Variants in PAK3 observed in about 807,000 individuals in gnomAD.
The protein encoded by PAK3 is serine/threonine-protein kinase PAK 3.
In PAK3, 4 loss-of-function variants were observed where a neutral mutation model predicts 41.0. The observed-to-expected ratio is 0.10, with a 90% confidence interval of 0.05 to 0.22. The LOEUF (loss-of-function observed/expected upper bound fraction) is 0.22. Among genes scored for constraint, PAK3 ranks in the 10% least tolerant of loss-of-function variants. The pLI is 1.00. For missense variants in PAK3, 205 were observed against 409.9 expected (o/e 0.50, Z 4.32); for synonymous variants, 146 against 139.6 (o/e 1.05, Z -0.32).
At chrX:111,044,098 G>A (rs1347791095) in intron 1 of PAK3, among the ~76,000 whole-genome samples, 1 of 111,892 alleles carries the variant, frequency 8.9e-6, no homozygotes, top group African/African-American at 3.2e-5. Context: ...GAAACCCAAA[G>A]TATGTCACAT....
At chrX:111,046,423 G>A (rs1227642824) in intron 1 of PAK3, among the ~76,000 whole-genome samples, 1 of 111,512 alleles carries the variant, frequency 9.0e-6, no homozygotes, top group African/African-American at 3.3e-5. Context: ...TTACCCCCCT[G>A]TAAAATGGCC....
upstream of PAK3, among the ~76,000 whole-genome samples, chrX:111,094,925 G>C (rs934815899): frequency 3.6e-5 from 4 of 110,759 alleles, no homozygotes; most frequent in Non-Finnish European, 1.9e-5. Context: ...CTGACCTCAG[G>C]TGATCCGCCC....
intron 10 of PAK3, among the ~76,000 whole-genome samples, chrX:111,171,600 A>T (rs2094341952): frequency 8.9e-6 from 1 of 111,835 alleles, no homozygotes; most frequent in South Asian, 3.7e-4. Flanking sequence ...GCCAAACATG[A>T]TAAATTAATA....
At chrX:111,135,004 G>A (rs773266633) in intron 5 of PAK3, among the ~76,000 whole-genome samples, 1 of 111,236 alleles carries the variant, frequency 9.0e-6, no homozygotes, top group East Asian at 2.8e-4. Flanking sequence ...GAAGGCAATG[G>A]GGGAATATTG....
intron 1 of PAK3, among the ~76,000 whole-genome samples, chrX:111,000,989 G>A (rs2091837440): frequency 9.0e-6 from 1 of 111,572 alleles, no homozygotes; most frequent in African/African-American, 3.3e-5. Context: ...GCCTCACTGA[G>A]ATGACATTTG....
intron 3 of PAK3, among the ~76,000 whole-genome samples, chrX:111,100,095 A>G (rs2093097406): frequency 9.1e-6 from 1 of 110,321 alleles, no homozygotes; most frequent in South Asian, 4.0e-4. Flanking sequence ...TCTGCTAGGG[A>G]CCCTATAACC....
intron 1 of PAK3, among the ~76,000 whole-genome samples, chrX:111,082,817 C>G (rs1308879206): frequency 3.6e-5 from 4 of 111,176 alleles, no homozygotes; most frequent in Non-Finnish European, 7.5e-5. Context: ...ATGATATTCT[C>G]CTGTATATTT....
chrX:111,083,252 A>G (rs1193763566), intron 1 of PAK3, among the ~76,000 whole-genome samples: 2 of 112,361 alleles, frequency 1.8e-5, no homozygotes, highest in African/African-American at 6.5e-5. Context: ...ATCAAAATAC[A>G]GCACAGAAAG....
intron 9 of PAK3, 50 bp downstream of exon 9, chrX:111,163,096 A>C: frequency 9.1e-7 from 1 of 1,104,663 alleles, no homozygotes; most frequent in Non-Finnish European, 1.3e-6. Flanking sequence ...GCCCTTTGGA[A>C]TAGTCATAGA....
chrX:110,985,177 AC>A (rs2091520405), intron 1 of PAK3, among the ~76,000 whole-genome samples: 2 of 111,355 alleles, frequency 1.8e-5, no homozygotes, highest in Admixed American at 1.9e-4. Flanking sequence ...TAAAGATAAA[AC>A]TCCTTAGATG....
rs768600631 is a variant in PAK3, at chrX:111,160,494, T to C, written c.469-2421T>C. On this transcript the variant is annotated intron_variant, in intron 8 of 17. Transcript: ENST00000372007. ...TTTTATTATTATTATACTTGAAGTTTTAGGGTACATGTGCACAACGTGCAG... is the reference window on the plus strand; with the variant it reads ...TTTTATTATTATTATACTTGAAGTTCTAGGGTACATGTGCACAACGTGCAG... 4.3e-3 allele frequency among the ~76,000 whole-genome samples: 468 copies of C among 109,225 alleles called. 1 individual carries two copies. Among genetic ancestry groups the C allele is most frequent in the Non-Finnish European group, 7.1e-3 (376 of 52,727 alleles). 94.8% of individuals were successfully genotyped at this position (109,225 alleles called of 115,157 possible).
chrX:111,202,243 G>A (rs767007968), intron 16 of PAK3, among the ~76,000 whole-genome samples: 1 of 111,677 alleles, frequency 9.0e-6, no homozygotes, highest in African/African-American at 3.3e-5. Context: ...AAGTGGCTGA[G>A]ATTTTTTAAT....
intron 1 of PAK3, among the ~76,000 whole-genome samples, chrX:111,058,876 TGG>T (rs2092628904): frequency 8.9e-6 from 1 of 111,775 alleles, no homozygotes; most frequent in South Asian, 3.7e-4. Context: ...CTTTTGCATG[TGG>T]ATATCCAGTT....
intron 7 of PAK3, among the ~76,000 whole-genome samples, chrX:111,150,369 C>A (rs1179806610): frequency 8.9e-6 from 1 of 112,004 alleles, no homozygotes; most frequent in African/African-American, 3.2e-5. Flanking sequence ...TATTGGGTAT[C>A]TTTTTAGCAA....
intron 8 of PAK3, among the ~76,000 whole-genome samples, chrX:111,162,523 A>C (rs1055498481): frequency 1.4e-4 from 16 of 111,917 alleles, no homozygotes; most frequent in Non-Finnish European, 1.9e-5. Context: ...CAAGTTGACA[A>C]ACTGTCAATC....
At chrX:111,204,642 C>T (rs1007199853) in intron 16 of PAK3, among the ~76,000 whole-genome samples, 2 of 110,881 alleles carry the variant, frequency 1.8e-5, no homozygotes, top group African/African-American at 6.6e-5. Context: ...ATACCTTTTC[C>T]AACCGGGTTG....
chrX:111,060,103 C>G (rs764899312), intron 1 of PAK3, among the ~76,000 whole-genome samples: 1 of 111,550 alleles, frequency 9.0e-6, no homozygotes, highest in African/African-American at 3.2e-5. Flanking sequence ...AGGAACTTTC[C>G]TTCCCTCTCT....
chrX:110,991,639 T>C (rs1189173435), intron 1 of PAK3, among the ~76,000 whole-genome samples: 1 of 112,449 alleles, frequency 8.9e-6, no homozygotes, highest in Non-Finnish European at 1.9e-5. Context: ...ATTAAGGTAA[T>C]ATGACAGCAT....
intron 1 of PAK3, among the ~76,000 whole-genome samples, chrX:111,046,761 A>G (rs1452657248): frequency 8.9e-6 from 1 of 112,377 alleles, no homozygotes; most frequent in Non-Finnish European, 1.9e-5. Context: ...GTACTAGCAC[A>G]TGATAAATGC....
Sources: gnomAD v4.1 joint callset for allele counts (sites outside exome capture counted in the v4.1 genomes callset) on GRCh38, gnomAD v4.1.1 for gene constraint, MANE v1.5 for transcripts, NCBI Gene and HGNC (gene_info 2026-07-23, HGNC 2026-07-21) for gene names.